Variants in PLAC1 observed in about 807,000 individuals in gnomAD.
The protein encoded by PLAC1 is placenta-specific protein 1.
For missense variants in PLAC1, 136 were observed against 163.2 expected, an observed-to-expected ratio of 0.83 and a Z score of 0.91; for synonymous variants, 68 against 62.1, an observed-to-expected ratio of 1.09 and a Z score of -0.44.
At chrX:134,578,224 T>TAAC (rs1398784350) in intron 2 of PLAC1, among the ~76,000 whole-genome samples, 2 of 110,300 alleles carry the variant, frequency 1.8e-5, no homozygotes, top group African/African-American at 6.6e-5. Flanking sequence ...CCATCCTGGC[T>TAAC]AACACGGTGA....
chrX:134,631,951 A>G (rs2078264573), intron 1 of PLAC1, among the ~76,000 whole-genome samples: 1 of 111,478 alleles, frequency 9.0e-6, no homozygotes, highest in African/African-American at 3.3e-5. Context: ...GTTTTCTCTC[A>G]CCCCTCCCTT....
intron 2 of PLAC1, among the ~76,000 whole-genome samples, chrX:134,684,411 TAAAA>T (rs10606569): frequency 0.019 from 1,520 of 80,924 alleles, 21 homozygotes; most frequent in Non-Finnish European, 0.025. Context: ...GCTCTGCCAC[TAAAA>T]AAAAAAAAAA....
chrX:134,759,959 GGGGTACTTACAAATAT>G (rs2078765950), intron 1 of PLAC1, among the ~76,000 whole-genome samples: 1 of 111,039 alleles, frequency 9.0e-6, no homozygotes. Context: ...AGTGGGTTAA[GGGGTACTTACAAATAT>G]ACAGTAAGAC....
chrX:134,596,482 T>C (rs2078062690), intron 2 of PLAC1, among the ~76,000 whole-genome samples: 2 of 112,620 alleles, frequency 1.8e-5, no homozygotes, highest in South Asian at 7.3e-4. Context: ...TAGGATTTAG[T>C]TCTTTTCTTT....
At chrX:134,635,983 G>C (rs747218896) in intron 1 of PLAC1, among the ~76,000 whole-genome samples, 1 of 112,242 alleles carries the variant, frequency 8.9e-6, no homozygotes, top group Non-Finnish European at 1.9e-5. Context: ...ACACTTTTGT[G>C]GGTGAAGGGC....
chrX:134,757,732 A>C (rs1190493335), intron 1 of PLAC1, among the ~76,000 whole-genome samples: 1 of 111,486 alleles, frequency 9.0e-6, no homozygotes, highest in Non-Finnish European at 1.9e-5. Flanking sequence ...ATACAGGCTG[A>C]AAAAGTGTCT....
At chrX:134,594,460 T>A (rs941575561) in intron 2 of PLAC1, among the ~76,000 whole-genome samples, 4 of 111,947 alleles carry the variant, frequency 3.6e-5, no homozygotes, top group African/African-American at 1.3e-4. Flanking sequence ...AGACATTATG[T>A]ACAATTGGCA....
At chrX:134,698,469 T>A (rs775730211) in intron 2 of PLAC1, among the ~76,000 whole-genome samples, 1 of 111,769 alleles carries the variant, frequency 8.9e-6, no homozygotes, top group South Asian at 3.8e-4. Context: ...AAGAAAAAAA[T>A]ACTGTGATGA....
At chrX:134,737,743 C>T (rs971258553) in intron 1 of PLAC1, among the ~76,000 whole-genome samples, 3 of 112,344 alleles carry the variant, frequency 2.7e-5, no homozygotes, top group African/African-American at 6.5e-5. Context: ...CTGAGGTCGA[C>T]GAAAAAGCTA....
At chrX:134,571,365 C>T (rs1164262485) in intron 2 of PLAC1, among the ~76,000 whole-genome samples, 1 of 111,337 alleles carries the variant, frequency 9.0e-6, no homozygotes. Context: ...ATGACCATTG[C>T]CTTACTTTAA....
chrX:134,592,512 G>C (rs1427512143), intron 2 of PLAC1, among the ~76,000 whole-genome samples: 1 of 110,713 alleles, frequency 9.0e-6, no homozygotes, highest in Non-Finnish European at 1.9e-5. Context: ...CCAATCAGTT[G>C]AAGGCCTTAA....
At chrX:134,586,670 CTTTT>C in intron 2 of PLAC1, among the ~76,000 whole-genome samples, 1 of 91,080 alleles carries the variant, frequency 1.1e-5, no homozygotes, top group Non-Finnish European at 2.2e-5. Context: ...TTTTTCTTTT[CTTTT>C]TTTTTTTTTT....
intron 2 of PLAC1, among the ~76,000 whole-genome samples, chrX:134,597,440 C>T (rs1441679329): frequency 1.8e-5 from 2 of 112,245 alleles, no homozygotes; most frequent in Admixed American, 9.5e-5. Context: ...GTTTCAAAAT[C>T]TTTGTCAGAT....
At chrX:134,628,317 G>C (rs902845066) in intron 1 of PLAC1, among the ~76,000 whole-genome samples, 1 of 111,829 alleles carries the variant, frequency 8.9e-6, no homozygotes, top group Non-Finnish European at 1.9e-5. Flanking sequence ...CACTGCAAAG[G>C]CTGTGCATCT....
chrX:134,584,145 G>A (rs1236564297), intron 2 of PLAC1, among the ~76,000 whole-genome samples: 5 of 111,136 alleles, frequency 4.5e-5, no homozygotes, highest in Non-Finnish European at 9.4e-5. Context: ...CCTGGCTATC[G>A]GTTCACTCAA....
chrX:134,622,651 G>A (rs1298589788), intron 1 of PLAC1, among the ~76,000 whole-genome samples: 2 of 112,059 alleles, frequency 1.8e-5, no homozygotes, highest in Admixed American at 9.5e-5. Context: ...CACTTTGAGT[G>A]CCTTAAGAGA....
chrX:134,623,568 G>A (rs922917831), intron 1 of PLAC1, among the ~76,000 whole-genome samples: 3 of 112,262 alleles, frequency 2.7e-5, no homozygotes, highest in Non-Finnish European at 5.6e-5. Flanking sequence ...TTAACTCACT[G>A]GAGGTAAACA....
intron 2 of PLAC1, among the ~76,000 whole-genome samples, chrX:134,688,996 C>T (rs981653239): frequency 8.9e-6 from 1 of 112,162 alleles, no homozygotes; most frequent in African/African-American, 3.2e-5. Flanking sequence ...ATGACTCTAT[C>T]GTCCAGGCTT....
intron 2 of PLAC1, among the ~76,000 whole-genome samples, chrX:134,579,163 A>G (rs1354464611): frequency 2.7e-5 from 3 of 110,292 alleles, no homozygotes; most frequent in Non-Finnish European, 5.7e-5. Context: ...CCCTACCCCA[A>G]TAGAATGCAC....
Sources: allele counts gnomAD v4.1 joint callset (sites outside exome capture counted in the v4.1 genomes callset), GRCh38; gene constraint gnomAD v4.1.1; transcripts MANE v1.5; gene names NCBI Gene and HGNC (gene_info 2026-07-23, HGNC 2026-07-21).